KIAA1217: variants seen among roughly 807,000 people sequenced by gnomAD.
KIAA1217 encodes sickle tail protein homolog.
KIAA1217 carries 88 observed loss-of-function variants against 163.9 expected under a neutral mutation model. The observed-to-expected ratio is 0.54, with a 90% CI of 0.45 to 0.64. The LOEUF is 0.64. Ranked by LOEUF, KIAA1217 falls within the 30% of genes least tolerant of loss-of-function variation. The pLI is 0.00. For missense variants in KIAA1217, 2,372 were observed against 2,475.0 expected, an observed-to-expected ratio of 0.96 and a Z score of 0.88; for synonymous variants, 903 against 923.1, an observed-to-expected ratio of 0.98 and a Z score of 0.39.
intron 1 of KIAA1217, among the ~76,000 whole-genome samples, chr10:23,900,894 T>C (rs568336615): frequency 2.6e-5 from 4 of 152,106 alleles, no homozygotes; most frequent in Non-Finnish European, 5.9e-5. Context: ...AATGAATTAA[T>C]AATAACACAT....
chr10:23,991,065 C>T (rs1846197673), intron 1 of KIAA1217, among the ~76,000 whole-genome samples: 1 of 152,272 alleles, frequency 6.6e-6, no homozygotes, highest in African/African-American at 2.4e-5. Flanking sequence ...GAAATGGTGC[C>T]TTTCTGCTTA....
chr10:23,871,597 A>C (rs1840457889), intron 1 of KIAA1217, among the ~76,000 whole-genome samples: 1 of 151,786 alleles, frequency 6.6e-6, no homozygotes, highest in Non-Finnish European at 1.5e-5. Context: ...CTTCTTCTAA[A>C]TCATTGGCTA....
intron 1 of KIAA1217, among the ~76,000 whole-genome samples, chr10:23,787,676 A>G (rs1345944725): frequency 6.6e-6 from 1 of 152,180 alleles, no homozygotes; most frequent in Non-Finnish European, 1.5e-5. Flanking sequence ...ATCCGCCACA[A>G]TGCTCAAATT....
chr10:24,278,187 G>T (rs530296603), intron 2 of KIAA1217, among the ~76,000 whole-genome samples: 4 of 152,152 alleles, frequency 2.6e-5, no homozygotes, highest in African/African-American at 7.2e-5. Flanking sequence ...CCACAGTGGC[G>T]GTGTAAAGGG....
At chr10:24,271,635 C>A (rs904239794) in intron 2 of KIAA1217, among the ~76,000 whole-genome samples, 12 of 151,724 alleles carry the variant, frequency 7.9e-5, no homozygotes, top group African/African-American at 2.9e-4. Flanking sequence ...ACTTGTAGTC[C>A]CAGGTACTGG....
At chr10:23,770,965 A>C (rs1834769792) in intron 1 of KIAA1217, among the ~76,000 whole-genome samples, 1 of 152,166 alleles carries the variant, frequency 6.6e-6, no homozygotes. Flanking sequence ...TTATCAACCC[A>C]ACAACACTCT....
chr10:23,753,027 T>C (rs1833729857), intron 1 of KIAA1217, among the ~76,000 whole-genome samples: 1 of 152,166 alleles, frequency 6.6e-6, no homozygotes, highest in African/African-American at 2.4e-5. Flanking sequence ...GATCATGGGT[T>C]TTTTGAAATC....
chr10:23,744,322 C>T (rs1414345221), intron 1 of KIAA1217, among the ~76,000 whole-genome samples: 2 of 152,084 alleles, frequency 1.3e-5, no homozygotes, highest in Non-Finnish European at 2.9e-5. Flanking sequence ...TCCAAATTGG[C>T]GTTTTTCAGG....
chr10:23,928,375 A>C (rs960168724), intron 1 of KIAA1217, among the ~76,000 whole-genome samples: 2 of 152,204 alleles, frequency 1.3e-5, no homozygotes, highest in African/African-American at 4.8e-5. Flanking sequence ...GGTGAATTTT[A>C]GTTTTCCGTG....
intron 5 of KIAA1217, among the ~76,000 whole-genome samples, chr10:24,439,650 CTTT>C (rs60419075): frequency 7.0e-6 from 1 of 143,010 alleles, no homozygotes. Flanking sequence ...AGAATCTTTT[CTTT>C]TTTTTTTTTT....
intron 2 of KIAA1217, among the ~76,000 whole-genome samples, chr10:24,305,938 G>C (rs1215326379): frequency 6.6e-6 from 1 of 151,952 alleles, no homozygotes; most frequent in Non-Finnish European, 1.5e-5. Context: ...ATAGAGCAAG[G>C]AGAGAAAATG....
chr10:23,920,076 T>G (rs75665411), intron 1 of KIAA1217, among the ~76,000 whole-genome samples: 2,974 of 152,280 alleles, frequency 0.02, 63 homozygotes, highest in Admixed American at 0.063. Context: ...CATTGACCCT[T>G]TGCTCCACAC....
chr10:23,911,701 G>A (rs1365720586), intron 1 of KIAA1217, among the ~76,000 whole-genome samples: 1 of 152,124 alleles, frequency 6.6e-6, no homozygotes, highest in Non-Finnish European at 1.5e-5. Flanking sequence ...GATGCAGCTG[G>A]CCTTGCCTTT....
At chr10:23,898,139 T>C (rs114626012) in intron 1 of KIAA1217, among the ~76,000 whole-genome samples, 5,178 of 152,036 alleles carry the variant, frequency 0.034, 118 homozygotes, top group Middle Eastern at 0.12. Flanking sequence ...AAGCTGCACA[T>C]AAATTCTGAT....
At chr10:24,152,942 T>G (rs975326170) in intron 2 of KIAA1217, among the ~76,000 whole-genome samples, 32 of 152,148 alleles carry the variant, frequency 2.1e-4, no homozygotes, top group Non-Finnish European at 1.6e-4. Context: ...CATTCTGAAG[T>G]TAAGAATAAA....
intron 2 of KIAA1217, among the ~76,000 whole-genome samples, chr10:24,137,281 A>G (rs2063869378): frequency 6.6e-6 from 1 of 152,236 alleles, no homozygotes; most frequent in African/African-American, 2.4e-5. Context: ...CCAGGCAGCC[A>G]CGTGTGGTGA....
intron 1 of KIAA1217, among the ~76,000 whole-genome samples, chr10:23,699,283 T>C (rs1836259867): frequency 6.6e-6 from 1 of 152,184 alleles, no homozygotes; most frequent in African/African-American, 2.4e-5. Context: ...ACATCTTCTT[T>C]CCTACATGTG....
intron 2 of KIAA1217, among the ~76,000 whole-genome samples, chr10:24,074,415 G>T (rs2061297688): frequency 6.6e-6 from 1 of 151,928 alleles, no homozygotes; most frequent in Admixed American, 6.6e-5. Flanking sequence ...ACGTGCTTTT[G>T]GTGTTGCAGA....
rs187756575 is a variant in KIAA1217, at chr10:24,005,270, A to G, written c.-320-1955A>G. 7.2e-3 allele frequency among the ~76,000 whole-genome samples: 1,097 copies of G among 152,242 alleles called. 43 individuals are homozygous for G. The highest frequency in any genetic ancestry group is 0.067 in the Admixed American group (1,019 of 15,292). ...TAATGTATGGGGAACAATGCTTGGC[A>G]CTCAATGTAAGCTAGTTATTGTCTA... On this transcript the variant is annotated intron_variant, in intron 1 of 18. Transcript: ENST00000376462.
Sources: gnomAD v4.1 joint callset for allele counts (sites outside exome capture counted in the v4.1 genomes callset) on GRCh38, gnomAD v4.1.1 for gene constraint, MANE v1.5 for transcripts, NCBI Gene and HGNC (gene_info 2026-07-23, HGNC 2026-07-21) for gene names.